The following RHOBTB2 variants were observed in gnomAD, a reference collection of about 807,000 sequenced individuals.
RHOBTB2 encodes the protein Rho related BTB domain containing 2.
Under a neutral mutation model 66.5 loss-of-function variants are expected in RHOBTB2, and 39 were observed. The observed-to-expected ratio is 0.59, with a 90% CI of 0.45 to 0.77. The LOEUF (loss-of-function observed/expected upper bound fraction) is 0.77, where lower values mean the gene tolerates loss of function less well. Ranked by LOEUF, RHOBTB2 falls within the 30% of genes least tolerant of loss-of-function variation. The pLI is 0.00. For missense variants in RHOBTB2, 755 were observed against 999.1 expected (o/e 0.76, Z 3.29); for synonymous variants, 390 against 395.0 (o/e 0.99, Z 0.15).
the RHOBTB2 span, among the ~76,000 whole-genome samples, chr8:22,969,098 G>C: frequency 6.6e-6 from 1 of 152,122 alleles, no homozygotes; most frequent in East Asian, 1.9e-4. Flanking sequence ...CACATGGCTG[G>C]GGAGGCCTCA....
At chr8:22,985,483 C>A (rs1355101157), upstream of RHOBTB2, among the ~76,000 whole-genome samples, 1 of 152,208 alleles carries the variant, frequency 6.6e-6, no homozygotes, top group Middle Eastern at 3.2e-3. Flanking sequence ...TCCTTGAACA[C>A]AGTGTTTATA....
chr8:22,995,714 C>A (rs959130992), upstream of RHOBTB2: 1 of 780,904 alleles, frequency 1.3e-6, no homozygotes. Context: ...AATGCCTCTG[C>A]TTTTGCTCAT....
At chr8:22,955,436 C>A in the RHOBTB2 span, among the ~76,000 whole-genome samples, 1 of 152,166 alleles carries the variant, frequency 6.6e-6, no homozygotes, top group East Asian at 1.9e-4. Flanking sequence ...TCCATGTCCT[C>A]CAGGACTCTA....
In RHOBTB2 at chr8:23,020,020, G is replaced by A; in HGVS notation, c.*2551G>A. The A allele has an allele frequency of 3.1e-6, 1 of 325,818 alleles. No homozygotes were observed. Among genetic ancestry groups the A allele is most frequent in the Non-Finnish European group, 6.0e-6 (1 of 166,802 alleles). The allele number at this position is 325,818 out of a possible 1,614,324, so 20.2% of individuals were successfully genotyped here. On this transcript the variant is annotated 3_prime_UTR_variant, in exon 10 of 10. Coordinates refer to ENST00000251822, the MANE Select transcript of RHOBTB2 (RefSeq NM_015178.3). ...CAGGAGGCCAAGCCTGAAAACAGAG[G>A]GGAGGGAGGAAGGAAGGAGTCCCAG...
At chr8:23,001,444 T>G (rs2128801983) in intron 1 of RHOBTB2, among the ~76,000 whole-genome samples, 1 of 150,636 alleles carries the variant, frequency 6.6e-6, no homozygotes, top group African/African-American at 2.5e-5. Context: ...ATTATATTAC[T>G]CTTGGCACAC....
chr8:22,960,498 T>A, the RHOBTB2 span, among the ~76,000 whole-genome samples: 16 of 152,132 alleles, frequency 1.1e-4, no homozygotes, highest in Non-Finnish European at 1.9e-4. Flanking sequence ...TTTGTATTTT[T>A]AGTAGAGGTG....
In RHOBTB2 at chr8:23,019,723, C is replaced by A; in HGVS notation, c.*2254C>A. On this transcript the variant is annotated 3_prime_UTR_variant, in exon 10 of 10. Coordinates refer to ENST00000251822, the MANE Select transcript of RHOBTB2 (RefSeq NM_015178.3). Reference sequence around the variant, plus strand: ...AGGTCGACCCAGGGCTGTAGGAAGCCATAGGAGAGTGACCACGGGATTCCC... The same window carrying A: ...AGGTCGACCCAGGGCTGTAGGAAGCAATAGGAGAGTGACCACGGGATTCCC... The A allele has an allele frequency of 6.3e-6, 1 of 159,400 alleles. No homozygotes were observed. Among genetic ancestry groups the A allele is most frequent in the Admixed American group, 6.0e-5 (1 of 16,644 alleles). 9.9% of individuals were successfully genotyped at this position (159,400 alleles called of 1,614,324 possible).
At chr8:22,979,737 TC>T in the RHOBTB2 span, among the ~76,000 whole-genome samples, 18 of 97,890 alleles carry the variant, frequency 1.8e-4, no homozygotes, top group Non-Finnish European at 3.3e-4. Flanking sequence ...TCTTTTCTTT[TC>T]TTTCTTTTTT....
rs768239499 is a variant in RHOBTB2, at chr8:23,004,446, C to T, written c.12C>T (p.Asp4=). MDS[D]MDYERPNVET... ...TCAGGTCCCGTTTAATGGATTCTGA[C>T]ATGGATTATGAAAGGCCAAACGTAG... Residue 4 remains aspartate (D), a synonymous_variant, in exon 2 of 10, where the codon GAC becomes GAT. Transcript: ENST00000251822. The surrounding 1 kb of genome is among the most constrained non-coding windows in gnomAD (Gnocchi z 6.4). 2 of 1,614,152 alleles carry T rather than the reference C, an allele frequency of 1.2e-6. No individual in the cohort carries two copies. Among genetic ancestry groups the T allele is most frequent in the Middle Eastern group, 1.6e-4 (1 of 6,062 alleles).
intron 6 of RHOBTB2, 149 bp downstream of exon 6, chr8:23,008,260 G>C: frequency 1.6e-6 from 1 of 625,906 alleles, no homozygotes. Context: ...GGTGGTTCTT[G>C]GAGCTAAGGA....
chr8:22,973,750 G>C, the RHOBTB2 span, among the ~76,000 whole-genome samples: 2 of 152,176 alleles, frequency 1.3e-5, no homozygotes, highest in Non-Finnish European at 2.9e-5. Context: ...AAATGTCAGA[G>C]GCAGAGGCTG....
chr8:23,015,053 T>C (rs1300597028), intron 8 of RHOBTB2, among the ~76,000 whole-genome samples: 1 of 152,088 alleles, frequency 6.6e-6, no homozygotes, highest in Non-Finnish European at 1.5e-5. Flanking sequence ...GGCTTACACA[T>C]GGTTGCTGCC....
chr8:22,956,068 A>AT, the RHOBTB2 span, among the ~76,000 whole-genome samples: 1 of 152,100 alleles, frequency 6.6e-6, no homozygotes, highest in Non-Finnish European at 1.5e-5. Context: ...CATGGGGTGT[A>AT]TTTTTTCCAA....
the RHOBTB2 span, among the ~76,000 whole-genome samples, chr8:22,978,485 C>CAA: frequency 1.1e-4 from 7 of 62,700 alleles, no homozygotes; most frequent in East Asian, 1.4e-3. Flanking sequence ...AGATCTGTCT[C>CAA]AAAAAAAAAA....
intron 7 of RHOBTB2, 52 bp downstream of exon 7, chr8:23,010,740 C>T: frequency 6.3e-7 from 1 of 1,592,966 alleles, no homozygotes; most frequent in Non-Finnish European, 8.6e-7. Flanking sequence ...CCAGGGAAAC[C>T]CCAAGGTGCA....
At position 23,007,002 on chromosome 8, in the gene RHOBTB2, G is replaced by C. The variant is rs746932890; in HGVS notation, c.757G>C (p.Glu253Gln). 2.5e-6 allele frequency: 4 copies of C among 1,609,344 alleles called. No homozygotes were observed. Among genetic ancestry groups the C allele is most frequent in the Admixed American group, 1.7e-5 (1 of 59,934 alleles). ...GGTGCCCGACCCTCCCTCCAGCAGC[G>C]AGGAGTGCCCCGCCCACCTCCTGGA... ...IVVPDPPSSS[E>Q]ECPAHLLEDP... The change falls in exon 5 of 10, where the codon GAG becomes CAG. Residue 253 changes from glutamate (E) to glutamine (Q), a missense_variant. Physicochemically the swap from Glu to Gln is conservative, Grantham distance 29 (BLOSUM62 2). Coordinates refer to ENST00000251822, the MANE Select transcript of RHOBTB2 (RefSeq NM_015178.3).
the RHOBTB2 span, among the ~76,000 whole-genome samples, chr8:22,960,602 C>G: frequency 6.6e-6 from 1 of 152,052 alleles, no homozygotes; most frequent in African/African-American, 2.4e-5. Flanking sequence ...TATAGGCATG[C>G]GCTGCACCCG....
At chr8:22,995,785 A>G (rs1184460311), upstream of RHOBTB2, 3 of 1,465,968 alleles carry the variant, frequency 2.0e-6, no homozygotes, top group Admixed American at 2.0e-5. Context: ...CAGCCTGCAC[A>G]TGGCAGGGGA....
the RHOBTB2 span, among the ~76,000 whole-genome samples, chr8:22,972,934 G>A: frequency 1.3e-5 from 2 of 152,114 alleles, no homozygotes; most frequent in African/African-American, 2.4e-5. Flanking sequence ...CCTGCGATGG[G>A]TGCAGTTTCC....
Sources: gnomAD v4.1 joint callset for allele counts (sites outside exome capture counted in the v4.1 genomes callset) on GRCh38, gnomAD v4.1.1 for gene constraint, Gnocchi (gnomAD v3.1) non-coding constraint, MANE v1.5 for transcripts, NCBI Gene and HGNC (gene_info 2026-07-23, HGNC 2026-07-21) for gene names.